The following E4F1 variants were observed in gnomAD, a reference collection of about 807,000 sequenced individuals.
E4F1 encodes transcription factor E4F1.
A neutral mutation model predicts 72.9 loss-of-function variants in E4F1; 30 were observed. The ratio of observed to expected loss-of-function variants is 0.41; its 90% CI spans 0.31 to 0.56. The LOEUF is 0.56. E4F1 is among the 20% of genes least tolerant of loss of function. The pLI, the probability that E4F1 is intolerant of heterozygous loss-of-function variation, is 0.25. For missense variants in E4F1, 1,091 were observed against 1,117.5 expected (o/e 0.98, Z 0.34); for synonymous variants, 542 against 478.2 (o/e 1.13, Z -1.74).
At chr16:2,232,400 C>T (rs747930778) in intron 4 of E4F1, 36 bp downstream of exon 4, 3 of 1,601,218 alleles carry the variant, frequency 1.9e-6, no homozygotes, top group Non-Finnish European at 2.6e-6. Context: ...GTGTGGGTGG[C>T]AGGCCCCCTC....
chr16:2,227,506 G>A (rs1287491788), intron 1 of E4F1, among the ~76,000 whole-genome samples: 1 of 152,124 alleles, frequency 6.6e-6, no homozygotes, highest in South Asian at 2.1e-4. Flanking sequence ...CGAGTAGCTG[G>A]GACTATAGGC....
chr16:2,224,826 C>G (rs2093421833), intron 1 of E4F1, among the ~76,000 whole-genome samples: 1 of 151,824 alleles, frequency 6.6e-6, no homozygotes, highest in Non-Finnish European at 1.5e-5. Flanking sequence ...AGTTAAGTAG[C>G]AAGGGTTGGA....
chr16:2,226,313 G>T (rs1228460059), intron 1 of E4F1, among the ~76,000 whole-genome samples: 1 of 152,196 alleles, frequency 6.6e-6, no homozygotes, highest in African/African-American at 2.4e-5. Context: ...TGTGAAATGG[G>T]CTGGGTGTGT....
chr16:2,227,826 CTTTT>C (rs34008168), intron 1 of E4F1, among the ~76,000 whole-genome samples: 2 of 132,956 alleles, frequency 1.5e-5, no homozygotes, highest in Non-Finnish European at 1.6e-5. Context: ...GTTTTAAAAA[CTTTT>C]TTTTTTTTTT....
At position 2,235,546 on chromosome 16, in the gene E4F1, C is replaced by G; in HGVS notation, c.2329C>G (p.Leu777Val). ...GGTCATCGCCTCGCCGGAGGGCCAG[C>G]TGGAGGTGCAGACGGTCATCGTCTA... ...ELVIASPEGQ[L>V]EVQTVIV The change falls in exon 14 of 14, where the codon CTG (leucine) becomes GTG (valine). Residue 777 changes from leucine to valine, a missense_variant. Physicochemically the swap from Leu to Val is conservative, Grantham distance 32. This residue lies in a region of E4F1 where 622 missense variants were observed against 628.0 expected (regional missense o/e 0.99). Coordinates refer to ENST00000301727, the MANE Select transcript of E4F1 (RefSeq NM_004424.5). The G allele has an allele frequency of 6.2e-7, 1 of 1,601,688 alleles. No individual in the cohort carries two copies. Among genetic ancestry groups the G allele is most frequent in the Non-Finnish European group, 8.5e-7 (1 of 1,172,406 alleles).
rs1328959477 is a variant in E4F1, at chr16:2,233,104, A to G, written c.977A>G (p.Asp326Gly). The change falls in exon 7 of 14, where the codon GAT (aspartate) becomes GGT (glycine). Residue 326 changes from aspartate to glycine, a missense_variant. Around this residue, in one of 5 missense-constraint regions of E4F1, gnomAD observed 101 missense variants for 97.4 expected, o/e 1.04. Transcript: ENST00000301727. ...ETSPVIHLVT[D>G]AKGTVIHEVH... ...TCACCCGTGATTCACCTGGTGACAG[A>G]TGCCAAGGGCACCGTCATCCACGAA... 1 of 1,612,554 alleles carries G rather than the reference A, an allele frequency of 6.2e-7. No individual in the cohort carries two copies. Among genetic ancestry groups the G allele is most frequent in the African/African-American group, 1.3e-5 (1 of 74,936 alleles).
At chr16:2,234,553 C>T (rs1319660899) in intron 10 of E4F1, 30 bp from the exon 11 acceptor site, 2 of 1,560,136 alleles carry the variant, frequency 1.3e-6, no homozygotes, top group South Asian at 1.2e-5. Flanking sequence ...GTGGCCAAGG[C>T]CAGGCTGGCA....
At chr16:2,232,016 C>A in intron 3 of E4F1, 155 bp from the exon 4 acceptor site, 2 of 892,218 alleles carry the variant, frequency 2.2e-6, no homozygotes, top group South Asian at 3.2e-5. Context: ...TGAATGGGAC[C>A]TTGGCTGTTG....
intron 2 of E4F1, among the ~76,000 whole-genome samples, chr16:2,228,911 C>T (rs1013642622): frequency 6.6e-6 from 1 of 152,222 alleles, no homozygotes; most frequent in East Asian, 1.9e-4. Context: ...TGGGGGGTCC[C>T]GCCATCTCAT....
In E4F1 at chr16:2,234,399, G is replaced by C; in HGVS notation, c.1593+11G>C. ...CGCTACAAGACTAAGGTGGGTCTCT[G>C]GCCGCAGGACCCTGGCGCCTGATCC... is the stretch of plus-strand genomic sequence containing the variant. On this transcript the variant is annotated intron_variant, in intron 10 of 13. Coordinates refer to ENST00000301727, the MANE Select transcript of E4F1 (RefSeq NM_004424.5). 1 of 1,612,516 alleles carries C rather than the reference G, an allele frequency of 6.2e-7. No individual in the cohort carries two copies. The highest frequency in any genetic ancestry group is 8.5e-7 in the Non-Finnish European group (1 of 1,179,726).
Position 2,234,309 on chromosome 16 carries a change from A to G in E4F1, c.1514A>G (p.His505Arg), listed in dbSNP as rs1432266045. The G allele has an allele frequency of 4.3e-6, 7 of 1,612,872 alleles. No homozygotes were observed. In the South Asian group the frequency reaches 4.4e-5, roughly 10 times the overall value. The change falls in exon 10 of 14, where the codon CAT (histidine) becomes CGT (arginine). Residue 505 changes from histidine (H) to arginine (R), a missense_variant. Transcript: ENST00000301727. ...GGGAAGCTCTACAAGACCATTGCCC[A>G]TGTGCGTGGCCACCGGCGCGTCCAC... Reference protein sequence around the residue: ...DCGKLYKTIAHVRGHRRVHSD... With the variant: ...DCGKLYKTIARVRGHRRVHSD...
intron 3 of E4F1, chr16:2,231,936 C>G (rs2093469947): frequency 1.8e-6 from 1 of 565,880 alleles, no homozygotes; most frequent in Non-Finnish European, 3.1e-6. Flanking sequence ...TTTAGGGGCC[C>G]TGGAGCATCT....
chr16:2,232,902 C>G lies in E4F1; in HGVS notation c.877C>G (p.Arg293Gly). The change falls in exon 6 of 14, where the codon CGT (arginine) becomes GGT (glycine). Residue 293 changes from arginine (R) to glycine (G), a missense_variant. By Grantham distance (125) the Arg-to-Gly change is moderately radical. Coordinates refer to ENST00000301727, the MANE Select transcript of E4F1 (RefSeq NM_004424.5). ...CGTGGTTGTCAGCAAAGAGGACGCA[C>G]GTGCAGGTCAGCATGGTGCGGGCAG... ...KDVVVSKEDA[R>G]AGSGAGAAGL... The G allele has an allele frequency of 6.2e-7, 1 of 1,613,278 alleles. No homozygotes were observed. Among genetic ancestry groups the G allele is most frequent in the Non-Finnish European group, 8.5e-7 (1 of 1,180,006 alleles).
Position 2,234,907 on chromosome 16 carries a change from C to T in E4F1, c.1841C>T (p.Pro614Leu). 6.4e-7 allele frequency: 1 copy of T among 1,552,394 alleles called. No individual in the cohort carries two copies. Among genetic ancestry groups the T allele is most frequent in the Non-Finnish European group, 8.7e-7 (1 of 1,148,076 alleles). ...VEELLVSEDS[P>L]AAATTVLTED... ...GAGTTGCTGGTGTCTGAGGACAGCC[C>T]CGCGGCAGCCACCACCGTCCTCACG... The change falls in exon 12 of 14, where the codon CCC (proline) becomes CTC (leucine). Residue 614 changes from proline to leucine, a missense_variant. Physicochemically the swap from Pro to Leu is moderately conservative, Grantham distance 98. This residue lies in a region of E4F1 where 622 missense variants were observed against 628.0 expected (regional missense o/e 0.99). Transcript: ENST00000301727.
chr16:2,226,827 G>A, intron 1 of E4F1, among the ~76,000 whole-genome samples: 1 of 152,204 alleles, frequency 6.6e-6, no homozygotes, highest in East Asian at 1.9e-4. Context: ...CACGACCGGG[G>A]TCCGGCACAG....
chr16:2,233,575 C>A lies in E4F1; in HGVS notation c.1194C>A (p.Ala398=). ...GTGCCCTGGAGCCAGCTCCTGCTGC[C>A]GGGTCCAGTCCCCAGCCCCTGGCAG... ...EEGALEPAPA[A]GSSPQPLAVA... The change falls in exon 8 of 14, where the codon GCC becomes GCA. Residue 398 remains alanine, a synonymous_variant. Coordinates refer to ENST00000301727, the MANE Select transcript of E4F1 (RefSeq NM_004424.5). The A allele has an allele frequency of 6.7e-7, 1 of 1,502,294 alleles. No homozygotes were observed. 93.1% of individuals were successfully genotyped at this position (1,502,294 alleles called of 1,614,324 possible). A position where few individuals can be genotyped will look rare whatever the true frequency, so the allele number is the denominator to read the frequency against.
rs775982429 is a variant in E4F1, at chr16:2,234,687, G to A, written c.1698G>A (p.Val566=). 16 of 1,579,010 alleles carry A rather than the reference G, an allele frequency of 1.0e-5. No homozygotes were observed. Among genetic ancestry groups the A allele is most frequent in the Admixed American group, 3.6e-5 (2 of 55,506 alleles). Residue 566 remains valine, a synonymous_variant, in exon 11 of 14, where the codon GTG becomes GTA. Transcript: ENST00000301727. The part of the protein sequence containing the change: ...FREKGSLVRH[V]RHHTGEKPFK... ...AGAAGGGCTCACTGGTGCGGCACGT[G>A]CGACACCACACAGGCGAGAAGCCGT...
In E4F1 at chr16:2,232,200, G is replaced by A. The variant is rs2093471254; in HGVS notation, c.445G>A (p.Ala149Thr). Residue 149 changes from alanine (A) to threonine (T), a missense_variant, in exon 4 of 14, where the codon GCT becomes ACT. Transcript: ENST00000301727. ...GGGHIKEVIV[A>T]AEAELGDGEM... ...TGGGCACATCAAAGAGGTCATCGTG[G>A]CTGCTGAGGCGGAGCTGGGAGACGG... 6.2e-7 allele frequency: 1 copy of A among 1,612,462 alleles called. No homozygotes were observed. Among genetic ancestry groups the A allele is most frequent in the South Asian group, 1.1e-5 (1 of 91,090 alleles).
rs781412590 is a variant in E4F1 at position 2,233,975 on chromosome 16, A to G, written c.1360A>G (p.Lys454Glu). The G allele has an allele frequency of 2.5e-6, 4 of 1,595,340 alleles. No individual in the cohort carries two copies. Among genetic ancestry groups the G allele is most frequent in the Non-Finnish European group, 3.4e-6 (4 of 1,171,186 alleles). Residue 454 changes from lysine to glutamate, a missense_variant, in exon 9 of 14, where the codon AAG (lysine) becomes GAG (glutamate). Transcript: ENST00000301727. ...FPTAATLEAH[K>E]RGHTGPRPFA... ...GACAGCAGCCACCCTGGAGGCCCAC[A>G]AGAGGGGCCACACCGGTAGGTGATG... is the stretch of plus-strand genomic sequence containing the variant.
Sources: gnomAD v4.1 joint callset for allele counts (sites outside exome capture counted in the v4.1 genomes callset) on GRCh38, gnomAD v4.1.1 for gene constraint, gnomAD v4.1.1 regional missense constraint, MANE v1.5 for transcripts, NCBI Gene and HGNC (gene_info 2026-07-23, HGNC 2026-07-21) for gene names.